EMC1: variants seen among roughly 807,000 people sequenced by gnomAD.
EMC1 encodes KIAA0090.
In EMC1, 103 loss-of-function variants were observed where a neutral mutation model predicts 128.8. The observed-to-expected ratio is 0.80, with a 90% CI of 0.68 to 0.94. EMC1 has a LOEUF of 0.94. EMC1 is among the 40% of genes least tolerant of loss of function. The pLI is 0.00. For missense variants in EMC1, 1,083 were observed against 1,250.6 expected (o/e 0.87, Z 2.02); for synonymous variants, 442 against 490.4 (o/e 0.90, Z 1.30).
chr1:19,227,093 TGCTAGGCACTGG>T (rs1344940039), intron 18 of EMC1, among the ~76,000 whole-genome samples: 2 of 152,146 alleles, frequency 1.3e-5, no homozygotes, highest in Admixed American at 1.3e-4. Context: ...ACTTACCATA[TGCTAGGCACTGG>T]GCTAGACATG....
rs561593835 is a variant in EMC1, at chr1:19,235,317, C to T, written c.1310-65G>A. 5 of 1,547,092 alleles carry T rather than the reference C, an allele frequency of 3.2e-6. No individual in the cohort carries two copies. The Admixed American group carries it at 7.7e-5, about 24-fold the overall frequency. ...GCACAGTGGCTCATGCCTGTAATCC[C>T]AGCACTTTGGGAGGCCAAGGTGGGT... On this transcript the variant is annotated intron_variant, in intron 12 of 22. Transcript: ENST00000477853.
In EMC1 at chr1:19,219,590, C is replaced by T. The variant is rs753186319; in HGVS notation, c.2781G>A (p.Ser927=). 9.9e-6 allele frequency: 16 copies of T among 1,613,934 alleles called. No individual in the cohort carries two copies. Among genetic ancestry groups the T allele is most frequent in the African/African-American group, 2.7e-5 (2 of 74,892 alleles). Residue 927 remains serine (S), a synonymous_variant, in exon 22 of 23, where the codon TCG becomes TCA. Coordinates refer to ENST00000477853, the MANE Select transcript of EMC1 (RefSeq NM_015047.3). ...SRMRGIYTAP[S]GLESTCLVVA... is the part of the protein sequence containing the mutation. ...TCACCAAACAAGTGGACTCCAGACC[C>T]GAGGGAGCTGTGTAGATACCTCGCA...
chr1:19,245,148 T>C (rs1269871389), intron 1 of EMC1, 118 bp from the exon 2 acceptor site: 2 of 1,190,670 alleles, frequency 1.7e-6, no homozygotes, highest in Non-Finnish European at 2.4e-6. Context: ...ACATAAGACG[T>C]GTTTGTTAGC....
At chr1:19,226,600 G>C (rs1484492897) in intron 18 of EMC1, among the ~76,000 whole-genome samples, 1 of 151,884 alleles carries the variant, frequency 6.6e-6, no homozygotes, top group Non-Finnish European at 1.5e-5. Context: ...TGTCACCCAG[G>C]CTGGAGTGCA....
chr1:19,223,740 T>C (rs1180821474), intron 18 of EMC1, among the ~76,000 whole-genome samples, 171 bp from the exon 19 acceptor site: 1 of 152,226 alleles, frequency 6.6e-6, no homozygotes, highest in African/African-American at 2.4e-5. Context: ...TTATGTGCAT[T>C]GGGTACTGGG....
At chr1:19,245,479 A>G (rs539725458) in intron 1 of EMC1, among the ~76,000 whole-genome samples, 1 of 152,300 alleles carries the variant, frequency 6.6e-6, no homozygotes, top group Admixed American at 6.5e-5. Flanking sequence ...AGCTCTGACC[A>G]AAAGCAAGAT....
chr1:19,222,685 G>T lies in EMC1; in HGVS notation c.2526C>A (p.Ser842=). ...QVLQQSYIFP[S]SISAMEATIT... ...TGGTGGCCTCCATGGCACTGATGGA[G>T]GACGGGAAGATATAGGACTGCTGGA... The change falls in exon 20 of 23, where the codon TCC becomes TCA. Residue 842 remains serine (S), a synonymous_variant. Transcript: ENST00000477853. The T allele has an allele frequency of 6.2e-7, 1 of 1,614,176 alleles. No individual in the cohort carries two copies. Among genetic ancestry groups the T allele is most frequent in the African/African-American group, 1.3e-5 (1 of 75,052 alleles).
chr1:19,247,734 G>C (rs1032015255), intron 1 of EMC1, among the ~76,000 whole-genome samples: 1 of 152,158 alleles, frequency 6.6e-6, no homozygotes, highest in South Asian at 2.1e-4. Context: ...TGCTTCAAGA[G>C]GTATTCCAAG....
Position 19,219,096 on chromosome 1 carries a change from A to G in EMC1, c.*207T>C. 1 of 540,230 alleles carries G rather than the reference A, an allele frequency of 1.9e-6. No individual in the cohort carries two copies. The allele number at this position is 540,230 out of a possible 1,614,324, so 33.5% of individuals were successfully genotyped here. On this transcript the variant is annotated 3_prime_UTR_variant, in exon 23 of 23. Coordinates refer to ENST00000477853, the MANE Select transcript of EMC1 (RefSeq NM_015047.3). ...GGAATCTCTGAGAGTGTCAGCTGAG[A>G]GAGTTCTGTCTCTCTCCATGTAGGA...
rs752694639 is a variant in EMC1 at position 19,244,448 on chromosome 1, A to G, written c.221-433T>C. 1.8e-4 allele frequency: 47 copies of G among 254,730 alleles called. 1 individual carries two copies. The highest frequency in any genetic ancestry group is 1.1e-4 in the Non-Finnish European group (14 of 129,726). The allele number at this position is 254,730 out of a possible 1,614,324, so 15.8% of individuals were successfully genotyped here. On this transcript the variant is annotated intron_variant, in intron 2 of 22. Coordinates refer to ENST00000477853, the MANE Select transcript of EMC1 (RefSeq NM_015047.3). ...TTTTTTTGAGACAAGGTGTTGCTCTATTGCCCAGGCTGGAGTGAACTGGCA... is the reference window on the plus strand; with the variant it reads ...TTTTTTTGAGACAAGGTGTTGCTCTGTTGCCCAGGCTGGAGTGAACTGGCA...
Position 19,223,977 on chromosome 1 carries a change from G to A in EMC1, c.2203-408C>T, listed in dbSNP as rs183885646. ...GAGGGTCACCACCCCCCTCCCCATC[G>A]CTAAATCCAGTGGCTAAGTCTTGGC... On this transcript the variant is annotated intron_variant, in intron 18 of 22. Coordinates refer to ENST00000477853, the MANE Select transcript of EMC1 (RefSeq NM_015047.3). 3.4e-4 allele frequency among the ~76,000 whole-genome samples: 52 copies of A among 152,246 alleles called. 1 individual carries two copies. The East Asian group carries it at 7.1e-3, about 21-fold the overall frequency.
chr1:19,245,821 T>G (rs2093629744), intron 1 of EMC1, among the ~76,000 whole-genome samples: 1 of 151,520 alleles, frequency 6.6e-6, no homozygotes, highest in Non-Finnish European at 1.5e-5. Flanking sequence ...GACATGGGGT[T>G]TCACCATGTT....
Position 19,239,238 on chromosome 1 carries a change from T to C in EMC1, c.1019A>G (p.Asn340Ser), listed in dbSNP as rs1005469907. 5.6e-6 allele frequency: 9 copies of C among 1,614,008 alleles called. No individual in the cohort carries two copies. The highest frequency in any genetic ancestry group is 7.6e-6 in the Non-Finnish European group (9 of 1,179,860). ...KTVAAVMACR[N>S]EVQKSSSSED... is the part of the protein sequence containing the mutation. ...GTTGTTCTCAATACTCACCACTTCA[T>C]TCCGACAGGCCATGACTGCAGCCAC... The change falls in exon 9 of 23, where the codon AAT becomes AGT. Residue 340 changes from asparagine (N) to serine (S), a missense_variant. Around this residue, in one of 3 missense-constraint regions of EMC1, gnomAD observed 544 missense variants for 572.4 expected, o/e 0.95. Transcript: ENST00000477853.
In EMC1 at chr1:19,235,211, C is replaced by G; in HGVS notation, c.1351G>C (p.Glu451Gln). The change falls in exon 13 of 23, where the codon GAA becomes CAA. Residue 451 changes from glutamate (E) to glutamine (Q), a missense_variant. By Grantham distance (29) the Glu-to-Gln change is conservative. Around this residue, in one of 3 missense-constraint regions of EMC1, gnomAD observed 544 missense variants for 572.4 expected, o/e 0.95. Coordinates refer to ENST00000477853, the MANE Select transcript of EMC1 (RefSeq NM_015047.3). ...VLWSREESLA[E>Q]VVCLEMVDLP... Reference sequence around the variant, plus strand: ...TCCACCATCTCTAGGCACACCACTTCTGCCAGGGACTCCTCACGGCTCCAC... The same window carrying G: ...TCCACCATCTCTAGGCACACCACTTGTGCCAGGGACTCCTCACGGCTCCAC... 6.2e-7 allele frequency: 1 copy of G among 1,613,866 alleles called. No homozygotes were observed. Among genetic ancestry groups the G allele is most frequent in the Non-Finnish European group, 8.5e-7 (1 of 1,179,856 alleles).
At chr1:19,229,180 G>A (rs912949735) in intron 17 of EMC1, among the ~76,000 whole-genome samples, 3 of 152,220 alleles carry the variant, frequency 2.0e-5, no homozygotes, top group Non-Finnish European at 4.4e-5. Flanking sequence ...GGGGAAGACC[G>A]CTGGGAATGG....
chr1:19,237,974 G>A (rs1166794597), intron 11 of EMC1, 43 bp downstream of exon 11: 4 of 1,603,466 alleles, frequency 2.5e-6, no homozygotes, highest in Non-Finnish European at 3.4e-6. Flanking sequence ...GCCATGTGCT[G>A]AGAAGCCCAC....
rs932902971 is a variant in EMC1 at position 19,243,794 on chromosome 1, G to A, written c.287-87C>T. 4 of 1,474,920 alleles carry A rather than the reference G, an allele frequency of 2.7e-6. No homozygotes were observed. In the African/African-American group the frequency reaches 4.2e-5, roughly 15 times the overall value. The allele number at this position is 1,474,920 out of a possible 1,614,324, so 91.4% of individuals were successfully genotyped here. Reference sequence around the variant, plus strand: ...CACTGTGAGCAGTGGCCTCACCTCTGATTTCTGGATGCAAATACATGTTAA... The same window carrying A: ...CACTGTGAGCAGTGGCCTCACCTCTAATTTCTGGATGCAAATACATGTTAA... On this transcript the variant is annotated intron_variant, in intron 3 of 22. Coordinates refer to ENST00000477853, the MANE Select transcript of EMC1 (RefSeq NM_015047.3).
rs74056801 is a variant in EMC1, at chr1:19,244,883, G to C, written c.220+23C>G. 2.7e-3 allele frequency: 4,416 copies of C among 1,612,662 alleles called. 109 individuals are homozygous for C. The African/African-American group carries it at 0.052, about 19-fold the overall frequency. On this transcript the variant is annotated intron_variant, in intron 2 of 22. Coordinates refer to ENST00000477853, the MANE Select transcript of EMC1 (RefSeq NM_015047.3). ...TCTTTCATCCCTGAGGCAGCCAGTA[G>C]ACACAGTTCTCAGTTCACTCACAGA... is the stretch of plus-strand genomic sequence containing the variant.
Position 19,219,644 on chromosome 1 carries a change from G to A in EMC1, c.2727C>T (p.Phe909=). The change falls in exon 22 of 23, where the codon TTC becomes TTT. Residue 909 remains phenylalanine (F), a synonymous_variant. Transcript: ENST00000477853. ...SPDVQIHAER[F]INYNQTVSRM... is the part of the protein sequence containing the mutation. Reference sequence around the variant, plus strand: ...GAGAAACTGTCTGGTTATAGTTGATGAATCGCTCTGCGTGTATCTGTACAT... The same window carrying A: ...GAGAAACTGTCTGGTTATAGTTGATAAATCGCTCTGCGTGTATCTGTACAT... 6.2e-7 allele frequency: 1 copy of A among 1,614,070 alleles called. No individual in the cohort carries two copies.
Sources: gnomAD v4.1 joint callset for allele counts (sites outside exome capture counted in the v4.1 genomes callset) on GRCh38, gnomAD v4.1.1 for gene constraint, gnomAD v4.1.1 regional missense constraint, MANE v1.5 for transcripts, NCBI Gene and HGNC (gene_info 2026-07-23, HGNC 2026-07-21) for gene names.